The following TENM4 variants were observed in gnomAD, a reference collection of about 807,000 sequenced individuals.
The protein encoded by TENM4 is teneurin-4.
Under a neutral mutation model 243.3 loss-of-function variants are expected in TENM4, and 82 were observed. The observed-to-expected ratio is 0.34, with a 90% CI of 0.28 to 0.40. TENM4 has a LOEUF of 0.40. TENM4 is among the 10% of genes least tolerant of loss of function. The pLI is 1.00. For missense variants in TENM4, 3,138 were observed against 3,673.3 expected (o/e 0.85, Z 3.77); for synonymous variants, 1,412 against 1,456.3 (o/e 0.97, Z 0.69).
rs566109448 is a variant in TENM4 at position 79,288,000 on chromosome 11, T to A, written c.-265+9488A>T. The stretch of plus-strand genomic sequence containing the variant: ...CTCAGTGGGAACCCCAACAGCCTAA[T>A]TGATCTTTGGTTTCAATGGAACTGG... On this transcript the variant is annotated intron_variant, in intron 2 of 33. Coordinates refer to ENST00000278550, the MANE Select transcript of TENM4 (RefSeq NM_001098816.3). Among the ~76,000 whole-genome samples, 3 of 152,224 alleles carry A rather than the reference T, an allele frequency of 2.0e-5. No individual in the cohort carries two copies. The South Asian group carries it at 6.2e-4, about 32-fold the overall frequency.
intron 28 of TENM4, among the ~76,000 whole-genome samples, chr11:78,692,526 A>G (rs1858852400): frequency 6.6e-6 from 1 of 152,164 alleles, no homozygotes; most frequent in Admixed American, 6.5e-5. Context: ...CAGGGCCCCC[A>G]GGACCCCAGG....
At chr11:79,178,589 T>C (rs1863218341) in intron 3 of TENM4, among the ~76,000 whole-genome samples, 1 of 152,138 alleles carries the variant, frequency 6.6e-6, no homozygotes. Flanking sequence ...CGTAAATAGT[T>C]TGAGTCATAT....
intron 15 of TENM4, among the ~76,000 whole-genome samples, chr11:78,800,303 T>C (rs1467050329): frequency 1.3e-5 from 2 of 152,190 alleles, no homozygotes; most frequent in Non-Finnish European, 2.9e-5. Flanking sequence ...CCAGCAGGCC[T>C]GCTCCCTAGG....
At chr11:79,173,729 G>A (rs1416282002) in intron 3 of TENM4, among the ~76,000 whole-genome samples, 1 of 152,176 alleles carries the variant, frequency 6.6e-6, no homozygotes, top group Non-Finnish European at 1.5e-5. Flanking sequence ...AGAGCTGCTG[G>A]CAACCCAAGG....
intron 25 of TENM4, among the ~76,000 whole-genome samples, chr11:78,716,580 G>T (rs1419954610): frequency 1.3e-5 from 2 of 152,174 alleles, no homozygotes; most frequent in African/African-American, 4.8e-5. Flanking sequence ...AACAATCTTA[G>T]AGTGATGGTT....
rs368244001 is a variant in TENM4 at position 79,236,486 on chromosome 11, G to A, written c.-264-20577C>T. On this transcript the variant is annotated intron_variant, in intron 2 of 33. Transcript: ENST00000278550. ...CATTTCATGCTTTTGAAGTTTCTGCGCTCTCTCTTTCTCGCGCTGTGATCT... is the reference window on the plus strand; with the variant it reads ...CATTTCATGCTTTTGAAGTTTCTGCACTCTCTCTTTCTCGCGCTGTGATCT... Among the ~76,000 whole-genome samples, 87 of 152,144 alleles carry A rather than the reference G, an allele frequency of 5.7e-4. No homozygotes were observed. The East Asian group carries it at 7.4e-3, about 13-fold the overall frequency.
chr11:78,653,691 A>G lies in TENM4; in HGVS notation c.*4367T>C, dbSNP rs940590970. The G allele has an allele frequency of 1.3e-5, 2 of 152,272 alleles. No individual in the cohort carries two copies. Among genetic ancestry groups the G allele is most frequent in the African/African-American group, 4.8e-5 (2 of 41,462 alleles). The allele number at this position is 152,272 out of a possible 1,614,324, so 9.4% of individuals were successfully genotyped here. A position where few individuals can be genotyped will look rare whatever the true frequency, so the allele number is the denominator to read the frequency against. ...GGCTCAGCTCCTGCCAGGACGGCCG[A>G]GCGTGCTCCAGACTAGTCCTCCCTT... On this transcript the variant is annotated 3_prime_UTR_variant, in exon 34 of 34. Transcript: ENST00000278550.
intron 6 of TENM4, among the ~76,000 whole-genome samples, chr11:79,000,741 AT>A (rs1858299686): frequency 6.6e-6 from 1 of 152,234 alleles, no homozygotes; most frequent in Non-Finnish European, 1.5e-5. Context: ...TCAAAAGCAA[AT>A]AGGAAGGGCC....
At chr11:78,667,204 A>G (rs1429775849) in intron 32 of TENM4, among the ~76,000 whole-genome samples, 1 of 152,110 alleles carries the variant, frequency 6.6e-6, no homozygotes, top group Non-Finnish European at 1.5e-5. Flanking sequence ...TTTTCATCAC[A>G]CCTGTCCACC....
intron 29 of TENM4, among the ~76,000 whole-genome samples, chr11:78,677,373 G>C (rs892196403): frequency 1.3e-5 from 2 of 151,098 alleles, no homozygotes; most frequent in African/African-American, 4.9e-5. Flanking sequence ...TCCAACCTCA[G>C]CCTCCCAAGT....
chr11:78,931,419 T>G (rs1399451888), intron 6 of TENM4, among the ~76,000 whole-genome samples: 1 of 152,202 alleles, frequency 6.6e-6, no homozygotes, highest in African/African-American at 2.4e-5. Flanking sequence ...CCTAAAGCAC[T>G]GGTGTTTTCA....
chr11:79,313,914 T>C (rs1430531953), intron 1 of TENM4, among the ~76,000 whole-genome samples: 1 of 152,176 alleles, frequency 6.6e-6, no homozygotes, highest in African/African-American at 2.4e-5. Context: ...GGAGACCCCA[T>C]TTATTTTCTC....
rs1857914838 is a variant in TENM4, at chr11:78,657,123, G to A, written c.*935C>T. The A allele has an allele frequency of 5.0e-6, 2 of 398,504 alleles. No homozygotes were observed. Among genetic ancestry groups the A allele is most frequent in the Non-Finnish European group, 8.8e-6 (2 of 226,092 alleles). 24.7% of individuals were successfully genotyped at this position (398,504 alleles called of 1,614,324 possible). A position where few individuals can be genotyped will look rare whatever the true frequency, so the allele number is the denominator to read the frequency against. On this transcript the variant is annotated 3_prime_UTR_variant, in exon 34 of 34. Coordinates refer to ENST00000278550, the MANE Select transcript of TENM4 (RefSeq NM_001098816.3). Reference sequence around the variant, plus strand: ...GGTGGCCTTCTGTTCTGTGGACATGGTGCCCACATTGAAGGCTTGCTGTGC... The same window carrying A: ...GGTGGCCTTCTGTTCTGTGGACATGATGCCCACATTGAAGGCTTGCTGTGC...
At chr11:78,997,109 GGCT>G (rs1366289560) in intron 6 of TENM4, among the ~76,000 whole-genome samples, 57 of 152,310 alleles carry the variant, frequency 3.7e-4, no homozygotes, top group Admixed American at 3.6e-3. Flanking sequence ...AGTGACCACA[GGCT>G]GCTGAGGCCC....
At chr11:79,213,327 A>G (rs553072131) in intron 3 of TENM4, among the ~76,000 whole-genome samples, 1 of 152,348 alleles carries the variant, frequency 6.6e-6, no homozygotes, top group East Asian at 1.9e-4. Context: ...CTTTCCTGGC[A>G]GAAGAACACT....
chr11:78,954,953 C>T (rs975094830), intron 6 of TENM4, among the ~76,000 whole-genome samples: 12 of 152,246 alleles, frequency 7.9e-5, no homozygotes, highest in Admixed American at 2.0e-4. Flanking sequence ...AGAGGCAGAA[C>T]TGGGATCAAA....
chr11:78,751,603 A>C (rs1215475869), intron 19 of TENM4, among the ~76,000 whole-genome samples: 1 of 151,934 alleles, frequency 6.6e-6, no homozygotes, highest in Non-Finnish European at 1.5e-5. Context: ...GTTCGTCAGA[A>C]CCTCTTCCTG....
At chr11:79,015,084 A>G (rs1322138676) in intron 6 of TENM4, among the ~76,000 whole-genome samples, 1 of 152,168 alleles carries the variant, frequency 6.6e-6, no homozygotes. Flanking sequence ...GGCCATTGGG[A>G]AAAAAAGTCT....
At chr11:78,868,068 C>T (rs890788114) in intron 9 of TENM4, among the ~76,000 whole-genome samples, 4 of 72,954 alleles carry the variant, frequency 5.5e-5, no homozygotes, top group African/African-American at 2.0e-4. Context: ...GAAGACAGAG[C>T]CACAGATTAA....
Sources: allele counts gnomAD v4.1 joint callset (sites outside exome capture counted in the v4.1 genomes callset), GRCh38; gene constraint gnomAD v4.1.1; transcripts MANE v1.5; gene names NCBI Gene and HGNC (gene_info 2026-07-23, HGNC 2026-07-21).